The following CTNND2 variants were observed in gnomAD, a reference collection of about 807,000 sequenced individuals.
CTNND2 encodes catenin delta 2, also known as catenin delta-2.
In CTNND2, 22 loss-of-function variants were observed where a neutral mutation model predicts 144.4. The observed-to-expected ratio is 0.15, with a 90% CI of 0.11 to 0.22. The LOEUF (loss-of-function observed/expected upper bound fraction) is 0.22, where lower values mean the gene tolerates loss of function less well. CTNND2 is among the 10% of genes least tolerant of loss of function. The probability of loss-of-function intolerance (pLI) is 1.00; values close to 1 mark genes in which losing one functional copy is unlikely to be tolerated. For missense variants in CTNND2, 1,353 were observed against 1,618.8 expected (o/e 0.84, Z 2.82); for synonymous variants, 751 against 695.6 (o/e 1.08, Z -1.25).
At chr5:11,735,279 C>T (rs1005261939) in intron 1 of CTNND2, among the ~76,000 whole-genome samples, 6 of 152,110 alleles carry the variant, frequency 3.9e-5, no homozygotes, top group Non-Finnish European at 4.4e-5. Context: ...TTTTCTTATT[C>T]GATCAAGTCT....
chr5:11,734,195 G>A (rs535196904), intron 1 of CTNND2, among the ~76,000 whole-genome samples: 6 of 152,266 alleles, frequency 3.9e-5, no homozygotes, highest in South Asian at 2.1e-4. Context: ...CCAATTTATG[G>A]TGTTTGGTTA....
In CTNND2 at chr5:11,196,358, T is replaced by C. The variant is rs1266819156; in HGVS notation, c.1975+3090A>G. 3.9e-5 allele frequency among the ~76,000 whole-genome samples: 6 copies of C among 152,186 alleles called. No individual in the cohort carries two copies. The South Asian group carries it at 8.3e-4, about 21-fold the overall frequency. On this transcript the variant is annotated intron_variant, in intron 11 of 21. Coordinates refer to ENST00000304623, the MANE Select transcript of CTNND2 (RefSeq NM_001332.4). Reference sequence around the variant, plus strand: ...AGGGAGACCTCACCCTGCCTTCCCCTGTAATTTTTTGTTCAACATTTGCTC... The same window carrying C: ...AGGGAGACCTCACCCTGCCTTCCCCCGTAATTTTTTGTTCAACATTTGCTC...
At chr5:11,286,969 T>C (rs914280218) in intron 9 of CTNND2, among the ~76,000 whole-genome samples, 2 of 152,084 alleles carry the variant, frequency 1.3e-5, no homozygotes, top group Non-Finnish European at 2.9e-5. Context: ...AGTCTATCCA[T>C]GCAATGGAAC....
At chr5:11,336,840 T>A (rs1753777799) in intron 9 of CTNND2, among the ~76,000 whole-genome samples, 1 of 152,104 alleles carries the variant, frequency 6.6e-6, no homozygotes, top group Admixed American at 6.5e-5. Flanking sequence ...TCATAATCTA[T>A]ATGGCACAAA....
At chr5:11,775,698 G>A (rs920456511) in intron 1 of CTNND2, among the ~76,000 whole-genome samples, 5 of 152,342 alleles carry the variant, frequency 3.3e-5, no homozygotes, top group East Asian at 1.9e-4. Flanking sequence ...TCTGGGCCCC[G>A]GAAGGGACTC....
intron 12 of CTNND2, among the ~76,000 whole-genome samples, chr5:11,144,951 G>A (rs982222645): frequency 6.6e-6 from 1 of 152,098 alleles, no homozygotes; most frequent in South Asian, 2.1e-4. Context: ...TGCCTCAGCA[G>A]AGACAGTGGT....
At chr5:11,433,050 C>T (rs1488785221) in intron 3 of CTNND2, among the ~76,000 whole-genome samples, 1 of 152,146 alleles carries the variant, frequency 6.6e-6, no homozygotes, top group Non-Finnish European at 1.5e-5. Flanking sequence ...CGAGACCATC[C>T]TGGCTAACAT....
chr5:11,811,201 C>T (rs6871038), intron 1 of CTNND2, among the ~76,000 whole-genome samples: 131,394 of 152,090 alleles, frequency 0.86, 58,975 homozygotes, highest in Non-Finnish European at 0.99. Flanking sequence ...TGACTCTGAC[C>T]GTCCAACTCC....
chr5:11,058,036 G>A (rs1031430287), intron 16 of CTNND2, among the ~76,000 whole-genome samples: 2 of 152,200 alleles, frequency 1.3e-5, no homozygotes, highest in African/African-American at 4.8e-5. Context: ...CTTGGGTACT[G>A]TTAAAAGCAT....
chr5:11,301,173 T>A (rs1253391456), intron 9 of CTNND2, among the ~76,000 whole-genome samples: 2 of 128,158 alleles, frequency 1.6e-5, no homozygotes, highest in Non-Finnish European at 3.5e-5. Context: ...CCTGCCACCA[T>A]GCCCAGCTAA....
At position 11,895,097 on chromosome 5, in the gene CTNND2, C is replaced by T. The variant is rs1333445656; in HGVS notation, c.37+8720G>A. Among the ~76,000 whole-genome samples, 4 of 152,136 alleles carry T rather than the reference C, an allele frequency of 2.6e-5. No individual in the cohort carries two copies. The East Asian group carries it at 7.7e-4, about 29-fold the overall frequency. ...AAAACAGTGTCCTGGCTCTTCCCAA[C>T]GAACTTGAACTTGAGAAATGAGACA... On this transcript the variant is annotated intron_variant, in intron 1 of 21. Coordinates refer to ENST00000304623, the MANE Select transcript of CTNND2 (RefSeq NM_001332.4).
At chr5:11,228,121 C>A (rs1467110937) in intron 10 of CTNND2, among the ~76,000 whole-genome samples, 1 of 151,870 alleles carries the variant, frequency 6.6e-6, no homozygotes, top group African/African-American at 2.4e-5. Flanking sequence ...GCTGGTGGAT[C>A]TCCTGAGGTC....
At chr5:11,570,696 T>G (rs546595472) in intron 2 of CTNND2, among the ~76,000 whole-genome samples, 225 of 152,094 alleles carry the variant, frequency 1.5e-3, no homozygotes, top group Non-Finnish European at 2.7e-3. Flanking sequence ...ACATGTTGTA[T>G]GTGGTGACAT....
chr5:11,589,677 C>G (rs1779109404), intron 2 of CTNND2, among the ~76,000 whole-genome samples: 1 of 152,160 alleles, frequency 6.6e-6, no homozygotes, highest in Non-Finnish European at 1.5e-5. Flanking sequence ...TCCTTTGAGT[C>G]TTTTACCTGA....
intron 3 of CTNND2, among the ~76,000 whole-genome samples, chr5:11,503,191 CA>C (rs1055813728): frequency 6.6e-6 from 1 of 152,144 alleles, no homozygotes; most frequent in African/African-American, 2.4e-5. Context: ...AGACAGCCTG[CA>C]AATGCACTCG....
At chr5:11,408,455 T>A (rs1761261146) in intron 5 of CTNND2, among the ~76,000 whole-genome samples, 1 of 152,142 alleles carries the variant, frequency 6.6e-6, no homozygotes, top group South Asian at 2.1e-4. Context: ...ATAATATTCT[T>A]TATGTGACTG....
chr5:11,413,243 T>C (rs1479724528), intron 3 of CTNND2, among the ~76,000 whole-genome samples: 2 of 152,154 alleles, frequency 1.3e-5, no homozygotes, highest in South Asian at 4.1e-4. Flanking sequence ...CATTATATAA[T>C]AGTAACATAT....
At chr5:11,365,902 C>T (rs889920282) in intron 7 of CTNND2, among the ~76,000 whole-genome samples, 2 of 152,184 alleles carry the variant, frequency 1.3e-5, no homozygotes, top group Non-Finnish European at 2.9e-5. Context: ...ATGTTGAATA[C>T]AGAACACGGA....
intron 3 of CTNND2, among the ~76,000 whole-genome samples, chr5:11,418,782 T>C (rs1762106454): frequency 1.3e-5 from 2 of 152,034 alleles, no homozygotes; most frequent in Admixed American, 1.3e-4. Flanking sequence ...CTTTTTGAAA[T>C]CCCCTCATAT....
Sources: gnomAD v4.1 joint callset for allele counts (sites outside exome capture counted in the v4.1 genomes callset) on GRCh38, gnomAD v4.1.1 for gene constraint, MANE v1.5 for transcripts, NCBI Gene and HGNC (gene_info 2026-07-23, HGNC 2026-07-21) for gene names.